Variants in ZBTB20 observed in about 807,000 individuals in gnomAD.
The protein encoded by ZBTB20 is zinc finger and BTB domain-containing protein 20.
In ZBTB20, 9 loss-of-function variants were observed where a neutral mutation model predicts 56.9. The ratio of observed to expected loss-of-function variants is 0.16; its 90% CI spans 0.10 to 0.28. The LOEUF (loss-of-function observed/expected upper bound fraction) is 0.28, where lower values mean the gene tolerates loss of function less well. Among genes scored for constraint, ZBTB20 ranks in the 10% least tolerant of loss-of-function variants. The probability of loss-of-function intolerance (pLI) is 1.00; values close to 1 mark genes in which losing one functional copy is unlikely to be tolerated. For missense variants in ZBTB20, 655 were observed against 1,003.0 expected (o/e 0.65, Z 4.69); for synonymous variants, 417 against 420.7 (o/e 0.99, Z 0.11).
rs867969030 is a variant in ZBTB20, at chr3:115,057,970, G to A, written c.-507+13249C>T. Reference sequence around the variant, plus strand: ...ACTTACAATCATGATGGAAGAGGAGGCAAACACATCCTTCTTCACATGGCA... The same window carrying A: ...ACTTACAATCATGATGGAAGAGGAGACAAACACATCCTTCTTCACATGGCA... On this transcript the variant is annotated intron_variant, in intron 2 of 11. Coordinates refer to ENST00000675478, the MANE Select transcript of ZBTB20 (RefSeq NM_001348800.3). Among the ~76,000 whole-genome samples, 4 of 152,258 alleles carry A rather than the reference G, an allele frequency of 2.6e-5. No individual in the cohort carries two copies. In the South Asian group the frequency reaches 8.3e-4, roughly 32 times the overall value.
chr3:115,129,542 A>G (rs1560594638), intron 1 of ZBTB20, among the ~76,000 whole-genome samples: 1 of 152,206 alleles, frequency 6.6e-6, no homozygotes, highest in Admixed American at 6.5e-5. Context: ...GAAAGATCAT[A>G]AAGATTTTAC....
chr3:114,805,714 T>C lies in ZBTB20; in HGVS notation c.-416-4540A>G, dbSNP rs188009390. Among the ~76,000 whole-genome samples, 8 of 151,984 alleles carry C rather than the reference T, an allele frequency of 5.3e-5. 1 individual carries two copies. The highest frequency in any genetic ancestry group is 1.3e-4 in the Admixed American group (2 of 15,230). On this transcript the variant is annotated intron_variant, in intron 4 of 11. Transcript: ENST00000675478. ...TATAACCATCACCTCAATTCATTTT[T>C]AGAATATTTTTGTCACCCTACAAAG...
intron 5 of ZBTB20, among the ~76,000 whole-genome samples, chr3:114,769,659 G>A (rs2069054152): frequency 6.7e-6 from 1 of 149,984 alleles, no homozygotes; most frequent in Admixed American, 6.7e-5. Context: ...ACCTGGATGA[G>A]ATTGGAGACT....
chr3:114,699,172 C>G (rs949866153), intron 5 of ZBTB20, among the ~76,000 whole-genome samples: 1 of 152,104 alleles, frequency 6.6e-6, no homozygotes, highest in Non-Finnish European at 1.5e-5. Context: ...TTCATTTCCA[C>G]CAGCCCTTTT....
intron 6 of ZBTB20, among the ~76,000 whole-genome samples, chr3:114,672,555 A>G (rs1001181674): frequency 7.2e-5 from 11 of 152,146 alleles, no homozygotes; most frequent in African/African-American, 2.7e-4. Flanking sequence ...TCCAGGCAGC[A>G]CAAATCAACT....
Position 114,840,715 on chromosome 3 carries a change from C to A in ZBTB20, c.-416-39541G>T, listed in dbSNP as rs184595771. Among the ~76,000 whole-genome samples the A allele has an allele frequency of 1.8e-3, 270 of 152,164 alleles. 2 individuals carry two copies. Among genetic ancestry groups the A allele is most frequent in the Non-Finnish European group, 1.9e-3 (126 of 68,004 alleles). ...TCAAATTCATACCCACCATTGATAC[C>A]TTCCTATCCCTGACATTAAAACAGA... On this transcript the variant is annotated intron_variant, in intron 4 of 11. Coordinates refer to ENST00000675478, the MANE Select transcript of ZBTB20 (RefSeq NM_001348800.3).
chr3:114,536,195 A>G (rs1351917934), intron 6 of ZBTB20, among the ~76,000 whole-genome samples: 1 of 152,214 alleles, frequency 6.6e-6, no homozygotes, highest in Non-Finnish European at 1.5e-5. Context: ...ATAGGAAGAG[A>G]GGAAGTCAAA....
At chr3:114,597,922 T>C (rs1452131953) in intron 6 of ZBTB20, among the ~76,000 whole-genome samples, 1 of 152,162 alleles carries the variant, frequency 6.6e-6, no homozygotes, top group Non-Finnish European at 1.5e-5. Context: ...TTTCCTGCCA[T>C]GGGAAAAATA....
chr3:114,673,227 T>A (rs1473626011), intron 6 of ZBTB20, among the ~76,000 whole-genome samples: 1 of 152,072 alleles, frequency 6.6e-6, no homozygotes, highest in Non-Finnish European at 1.5e-5. Flanking sequence ...TTCTTCATCT[T>A]CAGGTAGGCA....
intron 4 of ZBTB20, among the ~76,000 whole-genome samples, chr3:114,802,620 A>AC: frequency 6.6e-6 from 1 of 151,988 alleles, no homozygotes; most frequent in South Asian, 2.1e-4. Context: ...AGGGGAGTGC[A>AC]CATTATTTCC....
At chr3:115,081,057 G>T (rs748215951) in intron 1 of ZBTB20, among the ~76,000 whole-genome samples, 9 of 152,064 alleles carry the variant, frequency 5.9e-5, no homozygotes, top group Non-Finnish European at 1.0e-4. Flanking sequence ...AAACATTGAT[G>T]AATTCCCTTA....
chr3:114,458,926 T>C (rs1359381131), intron 7 of ZBTB20, among the ~76,000 whole-genome samples: 1 of 152,074 alleles, frequency 6.6e-6, no homozygotes, highest in African/African-American at 2.4e-5. Flanking sequence ...CCCAGAAAAA[T>C]ATGCTTAAAA....
intron 1 of ZBTB20, among the ~76,000 whole-genome samples, chr3:115,129,587 GT>G (rs2084441757): frequency 6.6e-6 from 1 of 152,196 alleles, no homozygotes. Context: ...TCACTTTTAA[GT>G]ACAGCTATAA....
At chr3:114,899,240 C>T (rs2075011124) in intron 4 of ZBTB20, among the ~76,000 whole-genome samples, 1 of 152,098 alleles carries the variant, frequency 6.6e-6, no homozygotes, top group Admixed American at 6.6e-5. Flanking sequence ...AACAGAAACA[C>T]ATGCACAAAT....
chr3:114,558,561 C>T (rs763206741), intron 6 of ZBTB20, among the ~76,000 whole-genome samples: 5 of 152,050 alleles, frequency 3.3e-5, no homozygotes, highest in Non-Finnish European at 5.9e-5. Context: ...CTCCACGAGG[C>T]AATGTATTAC....
chr3:115,110,938 C>T (rs543641769), intron 1 of ZBTB20, among the ~76,000 whole-genome samples: 5 of 151,512 alleles, frequency 3.3e-5, no homozygotes, highest in East Asian at 1.9e-4. Flanking sequence ...TGCAGTGAGC[C>T]GAGCTTGCGC....
intron 3 of ZBTB20, among the ~76,000 whole-genome samples, chr3:114,924,142 T>C (rs1037884078): frequency 6.6e-6 from 1 of 152,162 alleles, no homozygotes; most frequent in Non-Finnish European, 1.5e-5. Flanking sequence ...GAAAACAGTA[T>C]GGAGTTTCCT....
At chr3:114,624,254 G>C (rs2058512609) in intron 6 of ZBTB20, 1 of 151,702 alleles carries the variant, frequency 6.6e-6, no homozygotes, top group African/African-American at 2.4e-5. Flanking sequence ...CTGAAGCACA[G>C]AAATTAGGGA....
chr3:114,811,737 T>C (rs1438696959), intron 4 of ZBTB20, among the ~76,000 whole-genome samples: 3 of 149,968 alleles, frequency 2.0e-5, no homozygotes. Flanking sequence ...TTACTGTTTC[T>C]GTCTGGAAAA....
Sources: allele counts gnomAD v4.1 joint callset (sites outside exome capture counted in the v4.1 genomes callset), GRCh38; gene constraint gnomAD v4.1.1; transcripts MANE v1.5; gene names NCBI Gene and HGNC (gene_info 2026-07-23, HGNC 2026-07-21).